RIPK1: variants seen among roughly 807,000 people sequenced by gnomAD.
The protein encoded by RIPK1 is receptor interacting serine/threonine kinase 1, also known as receptor-interacting serine/threonine-protein kinase 1.
RIPK1 carries 27 observed loss-of-function variants against 62.4 expected under a neutral mutation model. That is an observed-to-expected ratio of 0.43 (90% CI 0.32 to 0.60). The LOEUF (loss-of-function observed/expected upper bound fraction) is 0.60, where lower values mean the gene tolerates loss of function less well. RIPK1 is among the 20% of genes least tolerant of loss of function. The probability of loss-of-function intolerance (pLI) is 0.07; values close to 1 mark genes in which losing one functional copy is unlikely to be tolerated. For synonymous variants in RIPK1, 287 were observed against 303.2 expected (o/e 0.95, Z 0.55); for missense variants, 735 against 831.0 (o/e 0.88, Z 1.42).
chr6:3,067,543 C>A (rs1454371282), upstream of RIPK1, among the ~76,000 whole-genome samples: 2 of 151,712 alleles, frequency 1.3e-5, no homozygotes, highest in African/African-American at 4.8e-5. Context: ...ATGTTCAGAG[C>A]TTTTGCCCGC....
At chr6:3,094,040 A>ACTGCAGCGCGC (rs1215383214) in intron 7 of RIPK1, among the ~76,000 whole-genome samples, 1 of 139,568 alleles carries the variant, frequency 7.2e-6, no homozygotes, top group Non-Finnish European at 1.5e-5. Flanking sequence ...GCACCTAGTA[A>ACTGCAGCGCGC]CTGCAGCGCG....
intron 3 of RIPK1, among the ~76,000 whole-genome samples, chr6:3,078,929 A>G (rs1474907597): frequency 6.6e-6 from 1 of 151,776 alleles, no homozygotes; most frequent in East Asian, 1.9e-4. Context: ...TTCTTTTGTA[A>G]GAGAACAAGG....
chr6:3,081,774 C>T (rs983036405), intron 4 of RIPK1, among the ~76,000 whole-genome samples: 8 of 144,498 alleles, frequency 5.5e-5, no homozygotes, highest in South Asian at 2.3e-4. Flanking sequence ...GCAGGAGAAT[C>T]GCCTGAACCG....
At chr6:3,081,735 C>T (rs1276435291) in intron 4 of RIPK1, among the ~76,000 whole-genome samples, 1 of 151,812 alleles carries the variant, frequency 6.6e-6, no homozygotes, top group Non-Finnish European at 1.5e-5. Context: ...TGGTGCATGC[C>T]TGTAATTCCA....
intron 1 of RIPK1, among the ~76,000 whole-genome samples, chr6:3,073,112 A>C (rs1338168476): frequency 6.6e-6 from 1 of 152,114 alleles, no homozygotes; most frequent in Non-Finnish European, 1.5e-5. Flanking sequence ...ACATATGTAC[A>C]TATATACGCA....
At chr6:3,077,666 G>A (rs1423521240) in intron 2 of RIPK1, 113 bp from the exon 3 acceptor site, 8 of 1,164,844 alleles carry the variant, frequency 6.9e-6, no homozygotes, top group Admixed American at 2.3e-5. Flanking sequence ...GGAAGAGATC[G>A]GTACAGACCC....
In RIPK1 at chr6:3,113,074, A is replaced by G; in HGVS notation, c.1751A>G (p.Asp584Gly). ...AIFDNTTSLT[D>G]KHLDPIRENL... ...GCAGATAATACCACTAGTCTGACGG[A>G]TAAACACCTGGACCCAATCAGGGAA... is the stretch of plus-strand genomic sequence containing the variant. Residue 584 changes from aspartate (D) to glycine (G), a missense_variant, in exon 11 of 11, where the codon GAT becomes GGT. Transcript: ENST00000259808. This position sits in a 1 kb window ranked among gnomAD's most constrained non-coding sequence, Gnocchi z 5.0. The G allele has an allele frequency of 6.4e-7, 1 of 1,574,330 alleles. No individual in the cohort carries two copies. The highest frequency in any genetic ancestry group is 8.6e-7 in the Non-Finnish European group (1 of 1,157,730).
intron 7 of RIPK1, among the ~76,000 whole-genome samples, chr6:3,090,475 G>A (rs933523470): frequency 6.6e-6 from 1 of 152,074 alleles, no homozygotes; most frequent in Non-Finnish European, 1.5e-5. Flanking sequence ...CAAACAATCA[G>A]GAATATTTCA....
chr6:3,089,124 T>C (rs11966771), intron 6 of RIPK1, among the ~76,000 whole-genome samples: 10,409 of 152,266 alleles, frequency 0.068, 1,198 homozygotes, highest in African/African-American at 0.24. Context: ...GAAAAAAGTA[T>C]GTCCACTCCA....
At chr6:3,102,501 G>C (rs1461287698) in intron 7 of RIPK1, among the ~76,000 whole-genome samples, 1 of 152,116 alleles carries the variant, frequency 6.6e-6, no homozygotes, top group Non-Finnish European at 1.5e-5. Context: ...TTTTGGATAA[G>C]GGATACTACA....
chr6:3,084,879 AC>A (rs1221217903), intron 5 of RIPK1, among the ~76,000 whole-genome samples: 1 of 152,162 alleles, frequency 6.6e-6, no homozygotes, highest in Non-Finnish European at 1.5e-5. Context: ...GGTGTGATCC[AC>A]CATGCCCAGC....
intron 3 of RIPK1, among the ~76,000 whole-genome samples, chr6:3,079,921 G>GT (rs1759289897): frequency 6.6e-6 from 1 of 152,220 alleles, no homozygotes; most frequent in Admixed American, 6.5e-5. Context: ...ATGAGGCATT[G>GT]TGCAAGATGA....
At chr6:3,109,320 G>T in intron 9 of RIPK1, among the ~76,000 whole-genome samples, 1 of 152,114 alleles carries the variant, frequency 6.6e-6, no homozygotes, top group East Asian at 1.9e-4. Flanking sequence ...AGAAGCACGT[G>T]GGGAGGTCAG....
intron 7 of RIPK1, among the ~76,000 whole-genome samples, chr6:3,100,716 G>A (rs995116755): frequency 7.1e-6 from 1 of 141,698 alleles, no homozygotes; most frequent in Non-Finnish European, 1.5e-5. Context: ...TCAGCCTCCC[G>A]AGTAGCTGGG....
At chr6:3,107,190 T>C (rs986563310) in intron 9 of RIPK1, among the ~76,000 whole-genome samples, 1 of 151,088 alleles carries the variant, frequency 6.6e-6, no homozygotes, top group Admixed American at 6.6e-5. Flanking sequence ...AGACAGACGT[T>C]GCAGTGAGCT....
At chr6:3,110,113 C>T (rs563636021) in intron 9 of RIPK1, among the ~76,000 whole-genome samples, 25 of 152,150 alleles carry the variant, frequency 1.6e-4, no homozygotes, top group African/African-American at 6.0e-4. Context: ...ATTTCTTCAA[C>T]ACCCTGTTTT....
upstream of RIPK1, among the ~76,000 whole-genome samples, chr6:3,065,264 CAAAAAAA>C (rs57722248): frequency 7.4e-5 from 3 of 40,622 alleles, no homozygotes; most frequent in East Asian, 8.0e-4. Context: ...GACTCCGTCT[CAAAAAAA>C]AAAAAAAAAA....
At position 3,085,331 on chromosome 6, in the gene RIPK1, A is replaced by G. The variant is rs1759632359; in HGVS notation, c.761A>G (p.Glu254Gly). The change falls in exon 6 of 11, where the codon GAG becomes GGG. Residue 254 changes from glutamate to glycine, a missense_variant. Glu to Gly is a moderately conservative substitution (Grantham distance 98, BLOSUM62 -2). Transcript: ENST00000259808. Reference sequence around the variant, plus strand: ...AGGCCAGATGTGGATGACATCACTGAGTACTGCCCAAGAGAAATTATCAGT... The same window carrying G: ...AGGCCAGATGTGGATGACATCACTGGGTACTGCCCAAGAGAAATTATCAGT... ...GNRPDVDDITEYCPREIISLM... is the reference protein window; with the variant it reads ...GNRPDVDDITGYCPREIISLM... 1 of 1,614,082 alleles carries G rather than the reference A, an allele frequency of 6.2e-7. No homozygotes were observed. The highest frequency in any genetic ancestry group is 1.7e-5 in the Admixed American group (1 of 60,012).
chr6:3,106,809 T>C (rs909928776), intron 9 of RIPK1, among the ~76,000 whole-genome samples: 2 of 152,266 alleles, frequency 1.3e-5, no homozygotes, highest in Non-Finnish European at 2.9e-5. Flanking sequence ...ATGCAAAATA[T>C]TGGATTAGAC....
Sources: allele counts gnomAD v4.1 joint callset (sites outside exome capture counted in the v4.1 genomes callset), GRCh38; gene constraint gnomAD v4.1.1; non-coding constraint Gnocchi (gnomAD v3.1); transcripts MANE v1.5; gene names NCBI Gene and HGNC (gene_info 2026-07-23, HGNC 2026-07-21).